The following CNBD1 variants were observed in gnomAD, a reference collection of about 807,000 sequenced individuals.
The protein encoded by CNBD1 is cyclic nucleotide-binding domain-containing protein 1.
Under a neutral mutation model 54.4 loss-of-function variants are expected in CNBD1, and 71 were observed. The ratio of observed to expected loss-of-function variants is 1.30; its 90% CI spans 1.08 to 1.59. The LOEUF (loss-of-function observed/expected upper bound fraction) is 1.59, where lower values mean the gene tolerates loss of function less well. Among genes scored for constraint, CNBD1 ranks in the 40% most tolerant of loss-of-function variants. The probability of loss-of-function intolerance (pLI) is 0.00; values close to 1 mark genes in which losing one functional copy is unlikely to be tolerated. For missense variants in CNBD1, 659 were observed against 518.0 expected (o/e 1.27, Z -2.64); for synonymous variants, 182 against 170.7 (o/e 1.07, Z -0.51).
intron 10 of CNBD1, among the ~76,000 whole-genome samples, chr8:87,359,914 C>T (rs1050288346): frequency 2.6e-5 from 4 of 151,948 alleles, no homozygotes; most frequent in Non-Finnish European, 4.4e-5. Context: ...CCAATAGAAT[C>T]CTCAATTATT....
chr8:87,107,494 A>G (rs1348023361), intron 4 of CNBD1, among the ~76,000 whole-genome samples: 4 of 151,996 alleles, frequency 2.6e-5, no homozygotes, highest in African/African-American at 4.8e-5. Context: ...ACATTTATCA[A>G]CTCACACACC....
At position 86,939,629 on chromosome 8, in the gene CNBD1, T is replaced by A. The variant is rs1398567587; in HGVS notation, c.306T>A (p.His102Gln). 2 of 1,599,530 alleles carry A rather than the reference T, an allele frequency of 1.3e-6. No individual in the cohort carries two copies. Among genetic ancestry groups the A allele is most frequent in the Non-Finnish European group, 1.7e-6 (2 of 1,174,804 alleles). ...ATGAAGGCAAAGAGGAAAGTCAACA[T>A]CAACAACCTGATGATTCTAACAATA... is the stretch of plus-strand genomic sequence containing the variant. ...ELNEGKEESQ[H>Q]QQPDDSNNIA... is the part of the protein sequence containing the mutation. The change falls in exon 4 of 11, where the codon CAT becomes CAA. Residue 102 changes from histidine (H) to glutamine (Q), a missense_variant. His to Gln is a conservative substitution (Grantham distance 24, BLOSUM62 0). Coordinates refer to ENST00000518476, the MANE Select transcript of CNBD1 (RefSeq NM_173538.3).
At chr8:86,893,349 C>T (rs560876794) in intron 2 of CNBD1, among the ~76,000 whole-genome samples, 28 of 152,152 alleles carry the variant, frequency 1.8e-4, no homozygotes, top group African/African-American at 5.8e-4. Flanking sequence ...GTTATTACCA[C>T]GACTAGAAGG....
chr8:87,337,132 T>A (rs550284420), intron 8 of CNBD1, among the ~76,000 whole-genome samples: 1 of 152,244 alleles, frequency 6.6e-6, no homozygotes, highest in East Asian at 1.9e-4. Context: ...GGAATGCTTC[T>A]GTATAGGATG....
intron 4 of CNBD1, among the ~76,000 whole-genome samples, chr8:86,996,181 A>G (rs972804030): frequency 3.3e-5 from 5 of 151,798 alleles, no homozygotes; most frequent in Admixed American, 2.6e-4. Context: ...TCCTAAGGCT[A>G]TTTTCTCCCA....
chr8:86,886,088 C>G (rs1486819479), intron 1 of CNBD1, among the ~76,000 whole-genome samples: 1 of 152,090 alleles, frequency 6.6e-6, no homozygotes. Context: ...TTCCAAATCT[C>G]TGTGGCACCA....
intron 4 of CNBD1, among the ~76,000 whole-genome samples, chr8:87,193,480 C>A (rs530120518): frequency 6.6e-6 from 1 of 152,190 alleles, no homozygotes; most frequent in African/African-American, 2.4e-5. Context: ...CAGTTTCATC[C>A]CCAAATAAAT....
chr8:87,428,357 A>T (rs887257380), intron 2 of CNBD1, among the ~76,000 whole-genome samples: 1 of 152,148 alleles, frequency 6.6e-6, no homozygotes, highest in Non-Finnish European at 1.5e-5. Context: ...TAAATTACTG[A>T]TGCTAAAATT....
At chr8:87,205,066 A>G (rs1480943508) in intron 4 of CNBD1, among the ~76,000 whole-genome samples, 2 of 152,188 alleles carry the variant, frequency 1.3e-5, no homozygotes, top group Non-Finnish European at 2.9e-5. Context: ...CAGATGGGCC[A>G]ACACTATGTC....
At chr8:87,249,384 T>C (rs1385541733) in intron 6 of CNBD1, among the ~76,000 whole-genome samples, 2 of 152,040 alleles carry the variant, frequency 1.3e-5, no homozygotes, top group African/African-American at 2.4e-5. Flanking sequence ...GTGGCCTGAT[T>C]CTTAACAGGC....
intron 5 of CNBD1, among the ~76,000 whole-genome samples, chr8:87,235,069 T>A (rs1455950102): frequency 6.6e-6 from 1 of 152,204 alleles, no homozygotes; most frequent in Non-Finnish European, 1.5e-5. Context: ...CTCTGCTAGC[T>A]CTCAGCTTTT....
chr8:86,880,928 A>G (rs960656032), intron 1 of CNBD1, among the ~76,000 whole-genome samples: 2 of 152,214 alleles, frequency 1.3e-5, no homozygotes, highest in African/African-American at 2.4e-5. Context: ...CAAAAACCAC[A>G]TGATTATCTC....
At chr8:87,386,119 C>A (rs751407820), downstream of CNBD1, among the ~76,000 whole-genome samples, 3 of 152,180 alleles carry the variant, frequency 2.0e-5, no homozygotes, top group African/African-American at 7.2e-5. Context: ...CTGTGCATCA[C>A]CATCATCAAA....
intron 8 of CNBD1, among the ~76,000 whole-genome samples, chr8:87,314,883 A>G (rs73282316): frequency 3.9e-5 from 6 of 152,024 alleles, no homozygotes; most frequent in African/African-American, 1.2e-4. Flanking sequence ...AAAATAAGAC[A>G]GTTCAGACAG....
chr8:86,979,951 A>G (rs958142921), intron 4 of CNBD1, among the ~76,000 whole-genome samples: 1 of 152,222 alleles, frequency 6.6e-6, no homozygotes, highest in Non-Finnish European at 1.5e-5. Context: ...TTTACTTATA[A>G]TAAAGAATTG....
At chr8:87,013,657 A>G (rs1809271477) in intron 4 of CNBD1, among the ~76,000 whole-genome samples, 1 of 149,722 alleles carries the variant, frequency 6.7e-6, no homozygotes, top group Non-Finnish European at 1.5e-5. Context: ...TTTGCAAGCC[A>G]GAAAATTTAT....
In CNBD1 at chr8:87,136,128, C is replaced by G. The variant is rs757314412; in HGVS notation, c.432-69865C>G. Among the ~76,000 whole-genome samples, 5 of 151,664 alleles carry G rather than the reference C, an allele frequency of 3.3e-5. No individual in the cohort carries two copies. The South Asian group carries it at 8.3e-4, about 25-fold the overall frequency. Reference sequence around the variant, plus strand: ...TAGTTGAGAAGGTAACAATTAATACCCAAAAATAAAATCTGAAGAAGCAAC... The same window carrying G: ...TAGTTGAGAAGGTAACAATTAATACGCAAAAATAAAATCTGAAGAAGCAAC... On this transcript the variant is annotated intron_variant, in intron 4 of 10. Transcript: ENST00000518476.
chr8:87,191,641 G>A (rs1813612274), intron 4 of CNBD1, among the ~76,000 whole-genome samples: 1 of 152,156 alleles, frequency 6.6e-6, no homozygotes, highest in Admixed American at 6.5e-5. Flanking sequence ...TTAAATTAGA[G>A]ATACATTTCA....
rs575127286 is a variant in CNBD1 at position 86,897,141 on chromosome 8, C to A, written c.159-7940C>A. ...CTTATGCTCCAAAGGGCCTCATGCT[C>A]TGCTGTCATCATCTTGAAATGCTTA... On this transcript the variant is annotated intron_variant, in intron 2 of 10. Coordinates refer to ENST00000518476, the MANE Select transcript of CNBD1 (RefSeq NM_173538.3). Among the ~76,000 whole-genome samples the A allele has an allele frequency of 3.3e-5, 5 of 152,292 alleles. No homozygotes were observed. In the South Asian group the frequency reaches 1.0e-3, roughly 32 times the overall value.
Sources: gnomAD v4.1 joint callset for allele counts (sites outside exome capture counted in the v4.1 genomes callset) on GRCh38, gnomAD v4.1.1 for gene constraint, MANE v1.5 for transcripts, NCBI Gene and HGNC (gene_info 2026-07-23, HGNC 2026-07-21) for gene names.